The following KLHL29 variants were observed in gnomAD, a reference collection of about 807,000 sequenced individuals.
KLHL29 encodes kelch-like protein 29.
Under a neutral mutation model 80.4 loss-of-function variants are expected in KLHL29, and 21 were observed. That is an observed-to-expected ratio of 0.26 (90% confidence interval 0.19 to 0.38). The LOEUF is 0.38. KLHL29 is among the 10% of genes least tolerant of loss of function. The pLI, the probability that KLHL29 is intolerant of heterozygous loss-of-function variation, is 1.00. For missense variants in KLHL29, 867 were observed against 1,223.9 expected (o/e 0.71, Z 4.35); for synonymous variants, 511 against 526.8 (o/e 0.97, Z 0.41).
At chr2:23,660,162 C>T (rs1250385868) in intron 5 of KLHL29, among the ~76,000 whole-genome samples, 2 of 152,206 alleles carry the variant, frequency 1.3e-5, no homozygotes, top group Non-Finnish European at 2.9e-5. Context: ...TCACTCTTCT[C>T]TCCAAGGTGG....
At chr2:23,701,772 C>T (rs908422355) in intron 11 of KLHL29, among the ~76,000 whole-genome samples, 9 of 148,064 alleles carry the variant, frequency 6.1e-5, no homozygotes, top group Admixed American at 2.0e-4. Flanking sequence ...CCTTTAGCTT[C>T]GCACACATGG....
At chr2:23,477,467 G>A (rs1056561281) in intron 2 of KLHL29, among the ~76,000 whole-genome samples, 1 of 152,244 alleles carries the variant, frequency 6.6e-6, no homozygotes, top group East Asian at 1.9e-4. Flanking sequence ...GCTCTGGGCT[G>A]GGCCAGGATC....
intron 3 of KLHL29, among the ~76,000 whole-genome samples, chr2:23,623,759 T>C (rs752620356): frequency 6.6e-6 from 1 of 152,126 alleles, no homozygotes; most frequent in Non-Finnish European, 1.5e-5. Context: ...ACCTGTGTGA[T>C]AGTGTGTGCA....
chr2:23,510,932 T>C (rs760698042), intron 2 of KLHL29, among the ~76,000 whole-genome samples: 2 of 152,152 alleles, frequency 1.3e-5, no homozygotes, highest in Non-Finnish European at 2.9e-5. Context: ...TTGGCCAATA[T>C]GAGTTTGGAC....
At chr2:23,403,415 C>T (rs1322285913) in intron 1 of KLHL29, among the ~76,000 whole-genome samples, 1 of 152,182 alleles carries the variant, frequency 6.6e-6, no homozygotes, top group Non-Finnish European at 1.5e-5. Flanking sequence ...ATCTCAGACT[C>T]ACCTTAAAGG....
In KLHL29 at chr2:23,680,312, G is replaced by A. The variant is rs1438327765; in HGVS notation, c.941-4087G>A. 6.6e-6 allele frequency among the ~76,000 whole-genome samples: 1 copy of A among 152,132 alleles called. No individual in the cohort carries two copies. The highest frequency in any genetic ancestry group is 1.9e-4 in the East Asian group (1 of 5,178). ...GCGGGCAGTGGACCGTCTTCCACGGGAAGAGGAGCTCCATGCTGGGCGCTG... is the reference window on the plus strand; with the variant it reads ...GCGGGCAGTGGACCGTCTTCCACGGAAAGAGGAGCTCCATGCTGGGCGCTG... On this transcript the variant is annotated intron_variant, in intron 5 of 13. Coordinates refer to ENST00000486442, the MANE Select transcript of KLHL29 (RefSeq NM_052920.2). The surrounding 1 kb of genome is among the most constrained non-coding windows in gnomAD (Gnocchi z 4.1).
intron 1 of KLHL29, among the ~76,000 whole-genome samples, chr2:23,455,568 T>G (rs1664026671): frequency 6.6e-6 from 1 of 151,546 alleles, no homozygotes; most frequent in African/African-American, 2.4e-5. Flanking sequence ...TGCCATTGAG[T>G]GATGAAGAGA....
chr2:23,650,373 G>T (rs1006016848), intron 5 of KLHL29, among the ~76,000 whole-genome samples: 1 of 152,212 alleles, frequency 6.6e-6, no homozygotes, highest in African/African-American at 2.4e-5. Flanking sequence ...ACACACGTGT[G>T]CACACAGTTT....
chr2:23,604,593 G>A (rs1403968066), intron 3 of KLHL29, among the ~76,000 whole-genome samples: 2 of 152,156 alleles, frequency 1.3e-5, no homozygotes, highest in East Asian at 3.9e-4. Context: ...TTTTCCTTCT[G>A]GTTCTGACAC....
chr2:23,702,188 T>C (rs1672437761), intron 11 of KLHL29, among the ~76,000 whole-genome samples: 1 of 152,140 alleles, frequency 6.6e-6, no homozygotes, highest in African/African-American at 2.4e-5. Context: ...CCTTGACTGA[T>C]GATGGGGTTA....
chr2:23,448,617 A>G (rs2103419915), intron 1 of KLHL29, among the ~76,000 whole-genome samples: 1 of 152,294 alleles, frequency 6.6e-6, no homozygotes, highest in African/African-American at 2.4e-5. Flanking sequence ...CAGTCAGGAA[A>G]GTTGAGAATC....
chr2:23,561,838 C>G (rs944904922), intron 2 of KLHL29, among the ~76,000 whole-genome samples: 4 of 151,964 alleles, frequency 2.6e-5, no homozygotes, highest in African/African-American at 9.7e-5. Context: ...AAGTCCCATC[C>G]ATAATTAAAA....
At chr2:23,403,711 A>AG (rs1666648794) in intron 1 of KLHL29, among the ~76,000 whole-genome samples, 7 of 140,038 alleles carry the variant, frequency 5.0e-5, no homozygotes, top group African/African-American at 1.6e-4. Context: ...ATGAAACCCA[A>AG]AGAGAGAGAG....
chr2:23,418,950 C>G (rs1440548778), intron 1 of KLHL29, among the ~76,000 whole-genome samples: 6 of 152,110 alleles, frequency 3.9e-5, no homozygotes, highest in Admixed American at 2.6e-4. Flanking sequence ...ATGGCACTTT[C>G]CATGGTAAAG....
chr2:23,628,368 G>T lies in KLHL29; in HGVS notation c.286-10771G>T, dbSNP rs1030253414. Among the ~76,000 whole-genome samples the T allele has an allele frequency of 3.0e-4, 45 of 152,056 alleles. 1 individual carries two copies. The highest frequency in any genetic ancestry group is 2.9e-3 in the Admixed American group (45 of 15,274). On this transcript the variant is annotated intron_variant, in intron 3 of 13. Transcript: ENST00000486442. ...ATCCTAGAATGCCCTCTGGGGAGGC[G>T]CTGGGAAGGCCATAGGGGGCAGAGG...
chr2:23,410,487 G>A (rs953671006), intron 1 of KLHL29, among the ~76,000 whole-genome samples: 1 of 152,140 alleles, frequency 6.6e-6, no homozygotes, highest in African/African-American at 2.4e-5. Flanking sequence ...TGGGTGTGAG[G>A]ACTCCTGAGG....
chr2:23,692,416 G>A (rs1009718755), intron 7 of KLHL29, among the ~76,000 whole-genome samples: 4 of 152,250 alleles, frequency 2.6e-5, no homozygotes, highest in Non-Finnish European at 5.9e-5. Flanking sequence ...CTTTACGCTT[G>A]ATGCTACCCC....
chr2:23,534,814 C>G (rs1666615755), intron 2 of KLHL29, among the ~76,000 whole-genome samples: 1 of 152,220 alleles, frequency 6.6e-6, no homozygotes, highest in African/African-American at 2.4e-5. Flanking sequence ...AAAGAAAAAA[C>G]AGTGCCTTTT....
rs1339430046 is a variant in KLHL29 at position 23,680,509 on chromosome 2, GCCGA to G, written c.941-3887_941-3884del. Among the ~76,000 whole-genome samples the G allele has an allele frequency of 1.3e-5, 2 of 152,186 alleles. No individual in the cohort carries two copies. Among genetic ancestry groups the G allele is most frequent in the East Asian group, 3.9e-4 (2 of 5,180 alleles). ...AGGAGACCCAAAAACAACCTCTGGG[GCCGA>G]CCAACAGGGACAGATGCTGAGGCCA... is the stretch of plus-strand genomic sequence containing the variant. On this transcript the variant is annotated intron_variant, in intron 5 of 13. Transcript: ENST00000486442. The surrounding 1 kb of genome is among the most constrained non-coding windows in gnomAD (Gnocchi z 4.1).
Sources: allele counts gnomAD v4.1 joint callset (sites outside exome capture counted in the v4.1 genomes callset), GRCh38; gene constraint gnomAD v4.1.1; non-coding constraint Gnocchi (gnomAD v3.1); transcripts MANE v1.5; gene names NCBI Gene and HGNC (gene_info 2026-07-23, HGNC 2026-07-21).